The following PPHLN1 variants were observed in gnomAD, a reference collection of about 807,000 sequenced individuals.
The protein encoded by PPHLN1 is periphilin 1, also known as periphilin-1.
A neutral mutation model predicts 51.3 loss-of-function variants in PPHLN1; 29 were observed. The observed-to-expected ratio is 0.57, with a 90% CI of 0.42 to 0.77. The LOEUF (loss-of-function observed/expected upper bound fraction) is 0.77, where lower values mean the gene tolerates loss of function less well. PPHLN1 is among the 30% of genes least tolerant of loss of function. The pLI is 0.00. For missense variants in PPHLN1, 436 were observed against 438.4 expected, an observed-to-expected ratio of 0.99 and a Z score of 0.05; for synonymous variants, 147 against 147.8, an observed-to-expected ratio of 0.99 and a Z score of 0.04.
intron 6 of PPHLN1, 57 bp downstream of exon 6, chr12:42,385,053 G>T: frequency 6.7e-7 from 1 of 1,499,668 alleles, no homozygotes; most frequent in South Asian, 1.1e-5. Context: ...GACTTGAACT[G>T]ATAGCGGTTA....
chr12:42,374,761 T>C, intron 4 of PPHLN1, 102 bp from the exon 5 acceptor site: 1 of 1,014,092 alleles, frequency 9.9e-7, no homozygotes, highest in East Asian at 2.6e-5. Flanking sequence ...GCCCCAAGAG[T>C]ACAATTTAAA....
intron 4 of PPHLN1, among the ~76,000 whole-genome samples, chr12:42,371,700 A>C (rs1028446650): frequency 6.6e-6 from 1 of 152,242 alleles, no homozygotes; most frequent in Non-Finnish European, 1.5e-5. Context: ...TTAGACTGAA[A>C]TATTCTGTAA....
At chr12:42,427,020 T>C (rs73126404) in intron 9 of PPHLN1, among the ~76,000 whole-genome samples, 16,126 of 151,536 alleles carry the variant, frequency 0.11, 1,044 homozygotes, top group African/African-American at 0.17. Flanking sequence ...CGTGCAGGTT[T>C]CTCAAACCAA....
At chr12:42,352,648 G>A (rs1199212064) in intron 3 of PPHLN1, among the ~76,000 whole-genome samples, 3 of 151,698 alleles carry the variant, frequency 2.0e-5, no homozygotes. Flanking sequence ...GACATCAAGT[G>A]GGAGGTCACT....
chr12:42,436,532 C>T (rs553133170), intron 9 of PPHLN1, among the ~76,000 whole-genome samples: 6 of 152,306 alleles, frequency 3.9e-5, no homozygotes, highest in African/African-American at 1.4e-4. Flanking sequence ...TATCTCCACT[C>T]CTATATAAAA....
chr12:42,382,964 AAAACAAAAC>A (rs2076882699), intron 5 of PPHLN1, among the ~76,000 whole-genome samples: 1 of 152,226 alleles, frequency 6.6e-6, no homozygotes. Flanking sequence ...ACAAAAAACA[AAAACAAAAC>A]AAAAAAAACA....
downstream of PPHLN1, chr12:42,446,287 C>T: frequency 1.3e-6 from 2 of 1,587,456 alleles, no homozygotes; most frequent in South Asian, 1.1e-5. Flanking sequence ...GCAACTCACG[C>T]AAGGTATTGG....
downstream of PPHLN1, chr12:42,446,167 C>G (rs761532573): frequency 6.2e-7 from 1 of 1,607,092 alleles, no homozygotes; most frequent in South Asian, 1.1e-5. Context: ...CAGACATTAC[C>G]TGGGGGATGC....
downstream of PPHLN1, chr12:42,444,936 A>AC (rs2083223152): frequency 2.5e-5 from 16 of 634,444 alleles, no homozygotes; most frequent in South Asian, 2.9e-4. Flanking sequence ...ATCGAGATTT[A>AC]CTAGTACTCA....
chr12:42,406,295 C>T (rs529917547), intron 9 of PPHLN1, among the ~76,000 whole-genome samples: 3 of 151,922 alleles, frequency 2.0e-5, no homozygotes, highest in South Asian at 4.2e-4. Context: ...TTAGCTAGGA[C>T]GGTCTCGATC....
chr12:42,395,006 A>G (rs1024311195), intron 8 of PPHLN1, among the ~76,000 whole-genome samples: 1 of 152,082 alleles, frequency 6.6e-6, no homozygotes, highest in African/African-American at 2.4e-5. Context: ...TTAATAGTAT[A>G]TTTATCCTCC....
intron 4 of PPHLN1, chr12:42,355,508 G>A (rs2073933186): frequency 8.1e-6 from 2 of 248,340 alleles, no homozygotes; most frequent in South Asian, 5.4e-5. Context: ...AGGCCAAGGC[G>A]GGCAAATCAC....
chr12:42,327,104 C>T (rs565334439), intron 1 of PPHLN1, among the ~76,000 whole-genome samples: 2 of 152,340 alleles, frequency 1.3e-5, no homozygotes, highest in East Asian at 1.9e-4. Flanking sequence ...TCTCTGTTAT[C>T]CTTGGTTACC....
intron 2 of PPHLN1, among the ~76,000 whole-genome samples, chr12:42,338,493 A>G (rs943704760): frequency 9.9e-5 from 15 of 152,216 alleles, no homozygotes; most frequent in Admixed American, 2.0e-4. Flanking sequence ...TGAGAGGGAC[A>G]GGAAATTGAA....
intron 9 of PPHLN1, among the ~76,000 whole-genome samples, chr12:42,422,634 T>A (rs907371927): frequency 6.6e-6 from 1 of 152,204 alleles, no homozygotes; most frequent in Non-Finnish European, 1.5e-5. Context: ...TGTAAACTAA[T>A]AGTTCAAATT....
At chr12:42,415,211 G>C (rs1376385541) in intron 9 of PPHLN1, among the ~76,000 whole-genome samples, 1 of 151,986 alleles carries the variant, frequency 6.6e-6, no homozygotes, top group Non-Finnish European at 1.5e-5. Flanking sequence ...TTGCTCTGTC[G>C]CCCAGGCTGG....
At chr12:42,336,012 G>A (rs2137803405) in intron 2 of PPHLN1, 38 bp downstream of exon 2, 2 of 1,376,548 alleles carry the variant, frequency 1.5e-6, no homozygotes, top group East Asian at 2.5e-5. Context: ...TCAAAAACCT[G>A]GTGTCTGAAT....
chr12:42,331,656 T>C (rs182470547), intron 1 of PPHLN1: 5 of 152,352 alleles, frequency 3.3e-5, no homozygotes, highest in Non-Finnish European at 5.9e-5. Flanking sequence ...TAACCAGTTA[T>C]TAGCGCACTT....
rs1230884790 is a variant in PPHLN1 at position 42,335,869 on chromosome 12, T to C, written c.-20-14T>C. 6 of 1,478,170 alleles carry C rather than the reference T, an allele frequency of 4.1e-6. No homozygotes were observed. Among genetic ancestry groups the C allele is most frequent in the Non-Finnish European group, 5.5e-6 (6 of 1,097,812 alleles). The allele number at this position is 1,478,170 out of a possible 1,614,324, so 91.6% of individuals were successfully genotyped here. ...TCCTAGTATAAAATCCATAATTCTT[T>C]TTTTTTTCTTTAGTGGCTTACAGAA... On this transcript the variant is annotated splice_polypyrimidine_tract_variant and intron_variant, in intron 1 of 9. Transcript: ENST00000358314.
Sources: allele counts gnomAD v4.1 joint callset (sites outside exome capture counted in the v4.1 genomes callset), GRCh38; gene constraint gnomAD v4.1.1; transcripts MANE v1.5; gene names NCBI Gene and HGNC (gene_info 2026-07-23, HGNC 2026-07-21).